BFSP2: variants seen among roughly 807,000 people sequenced by gnomAD.
BFSP2 encodes beaded filament structural protein 2, also known as phakinin.
BFSP2 carries 38 observed loss-of-function variants against 44.9 expected under a neutral mutation model. That is an observed-to-expected ratio of 0.85 (90% confidence interval 0.65 to 1.11). BFSP2 has a LOEUF of 1.11. BFSP2 is among the 50% of genes least tolerant of loss of function. BFSP2 has a pLI of 0.00. For synonymous variants in BFSP2, 197 were observed against 209.9 expected (o/e 0.94, Z 0.53); for missense variants, 525 against 533.0 (o/e 0.99, Z 0.15).
At chr3:133,441,360 A>G (rs1356350364) in intron 1 of BFSP2, among the ~76,000 whole-genome samples, 2 of 152,180 alleles carry the variant, frequency 1.3e-5, no homozygotes, top group Non-Finnish European at 2.9e-5. Flanking sequence ...ACTCGGCCTC[A>G]GATGCAATCT....
chr3:133,447,376 C>G lies in BFSP2; in HGVS notation c.549C>G (p.Ala183=). The G allele has an allele frequency of 6.2e-7, 1 of 1,613,918 alleles. No homozygotes were observed. Among genetic ancestry groups the G allele is most frequent in the Non-Finnish European group, 8.5e-7 (1 of 1,179,960 alleles). ...TGCTGCAGACAGAAACTATCCAGGC[C>G]GGAGCAGATGACTTTAAAGAGAGGT... The part of the protein sequence containing the change: ...RLMLQTETIQ[A]GADDFKERYE... The change falls in exon 2 of 7, where the codon GCC becomes GCG. Residue 183 remains alanine, a synonymous_variant. Coordinates refer to ENST00000302334, the MANE Select transcript of BFSP2 (RefSeq NM_003571.4).
chr3:133,427,289 C>T (rs1291328852), intron 1 of BFSP2, among the ~76,000 whole-genome samples: 1 of 152,242 alleles, frequency 6.6e-6, no homozygotes, highest in Non-Finnish European at 1.5e-5. Context: ...GCTCAAGGAA[C>T]CCAGCATGTT....
At chr3:133,427,967 T>C (rs2073669023) in intron 1 of BFSP2, among the ~76,000 whole-genome samples, 1 of 152,206 alleles carries the variant, frequency 6.6e-6, no homozygotes, top group Non-Finnish European at 1.5e-5. Context: ...GATTCCTTTT[T>C]ATAGATGAGG....
chr3:133,413,841 C>T (rs2073478900), intron 1 of BFSP2, among the ~76,000 whole-genome samples: 1 of 151,960 alleles, frequency 6.6e-6, no homozygotes, highest in Non-Finnish European at 1.5e-5. Flanking sequence ...GCAGGACCAA[C>T]GAATAACCAT....
At chr3:133,455,489 C>T (rs916522704) in intron 4 of BFSP2, 2 of 152,206 alleles carry the variant, frequency 1.3e-5, no homozygotes, top group East Asian at 3.8e-4. Flanking sequence ...AAAAGCATTA[C>T]CATTTTAAGC....
At chr3:133,442,189 G>A (rs887449818) in intron 1 of BFSP2, among the ~76,000 whole-genome samples, 3 of 152,188 alleles carry the variant, frequency 2.0e-5, no homozygotes, top group Non-Finnish European at 2.9e-5. Flanking sequence ...TCTCAGGCTG[G>A]AGTGCAGTGG....
rs778264861 is a variant in BFSP2 at position 133,474,934 on chromosome 3, C to A, written c.1245-35C>A. The A allele has an allele frequency of 1.1e-5, 18 of 1,613,764 alleles. No homozygotes were observed. The East Asian group carries it at 4.0e-4, about 36-fold the overall frequency. On this transcript the variant is annotated intron_variant, in intron 6 of 6. Transcript: ENST00000302334. Reference sequence around the variant, plus strand: ...GTGATAGAATGACCGATTTTCCTCACCCATTGCTTCTGACTCCTATGTGTT... The same window carrying A: ...GTGATAGAATGACCGATTTTCCTCAACCATTGCTTCTGACTCCTATGTGTT...
chr3:133,417,658 A>C (rs1422325323), intron 1 of BFSP2, among the ~76,000 whole-genome samples: 4 of 106,088 alleles, frequency 3.8e-5, no homozygotes, highest in Admixed American at 9.9e-5. Context: ...TCTTCCCTCT[A>C]CTCACCCCTG....
chr3:133,429,502 T>C (rs778406009), intron 1 of BFSP2: 23 of 152,242 alleles, frequency 1.5e-4, no homozygotes, highest in Non-Finnish European at 2.1e-4. Context: ...ACCCACATTA[T>C]GGCACGCAGG....
At chr3:133,417,147 CTCTCTCA>C (rs1465274432) in intron 1 of BFSP2, among the ~76,000 whole-genome samples, 1 of 132,028 alleles carries the variant, frequency 7.6e-6, no homozygotes, top group African/African-American at 2.9e-5. Context: ...GCCCTCTCCC[CTCTCTCA>C]TCTCTCTACT....
chr3:133,449,633 C>T (rs1365830542), intron 3 of BFSP2, among the ~76,000 whole-genome samples: 5 of 152,086 alleles, frequency 3.3e-5, no homozygotes, highest in African/African-American at 9.6e-5. Flanking sequence ...AATCCCAGCA[C>T]TTTGAGAGGC....
rs2073451214 is a variant in BFSP2 at position 133,411,268 on chromosome 3, A to C, written c.489+10696A>C. On this transcript the variant is annotated intron_variant, in intron 1 of 6. Coordinates refer to ENST00000302334, the MANE Select transcript of BFSP2 (RefSeq NM_003571.4). ...TTAAAACTGGTAAATAATGAGAGAA[A>C]ATAAAGCATTTTCCTGCCTTTCTTA... Among the ~76,000 whole-genome samples the C allele has an allele frequency of 3.3e-5, 5 of 152,182 alleles. No individual in the cohort carries two copies. In the South Asian group the frequency reaches 8.3e-4, roughly 25 times the overall value.
At chr3:133,447,524 G>GAGCCATGAT (rs1322489245) in intron 2 of BFSP2, 125 bp downstream of exon 2, 1 of 1,000,436 alleles carries the variant, frequency 1.0e-6, no homozygotes, top group Non-Finnish European at 1.5e-6. Context: ...CAGGATAACA[G>GAGCCATGAT]AGCCATGATT....
chr3:133,447,259 T>C (rs911054233), intron 1 of BFSP2, 58 bp from the exon 2 acceptor site: 1 of 1,575,980 alleles, frequency 6.3e-7, no homozygotes, highest in East Asian at 2.2e-5. Context: ...GTCATGGTGG[T>C]AAGTGATCTT....
In BFSP2 at chr3:133,466,769, G is replaced by C. The variant is rs1051835026; in HGVS notation, c.892-59G>C. On this transcript the variant is annotated intron_variant, in intron 4 of 6. Transcript: ENST00000302334. ...AGTGGTGATTAGAAAGGCTGGGAAG[G>C]AAGGATGGGCTCAGATTTCTGATCA... 4 of 1,578,154 alleles carry C rather than the reference G, an allele frequency of 2.5e-6. No individual in the cohort carries two copies. In the African/African-American group the frequency reaches 5.4e-5, roughly 21 times the overall value.
Position 133,462,153 on chromosome 3 carries a change from G to A in BFSP2, c.892-4675G>A, listed in dbSNP as rs115668113. On this transcript the variant is annotated intron_variant, in intron 4 of 6. Transcript: ENST00000302334. ...CATTTTCTCAAGATCCTAAGGTGAC[G>A]CTCATGCGCATTTAACCTATAGTTT... Among the ~76,000 whole-genome samples, 693 of 152,282 alleles carry A rather than the reference G, an allele frequency of 4.6e-3. 10 individuals carry two copies. Among genetic ancestry groups the A allele is most frequent in the African/African-American group, 0.016 (651 of 41,544 alleles).
chr3:133,434,271 C>A (rs1305248131), intron 1 of BFSP2, among the ~76,000 whole-genome samples: 1 of 152,136 alleles, frequency 6.6e-6, no homozygotes, highest in African/African-American at 2.4e-5. Flanking sequence ...TCAATTCATA[C>A]AAAACCGTAT....
chr3:133,406,086 G>C (rs1038403075), intron 1 of BFSP2, among the ~76,000 whole-genome samples: 2 of 150,980 alleles, frequency 1.3e-5, no homozygotes, highest in African/African-American at 2.4e-5. Flanking sequence ...AAGTAGCTGG[G>C]ATTACAGGTG....
intron 1 of BFSP2, among the ~76,000 whole-genome samples, chr3:133,426,944 A>G (rs1372535329): frequency 1.3e-5 from 2 of 152,228 alleles, no homozygotes; most frequent in Non-Finnish European, 2.9e-5. Context: ...GATGGAAAGC[A>G]TGCATTTGCT....
Sources: gnomAD v4.1 joint callset for allele counts (sites outside exome capture counted in the v4.1 genomes callset) on GRCh38, gnomAD v4.1.1 for gene constraint, MANE v1.5 for transcripts, NCBI Gene and HGNC (gene_info 2026-07-23, HGNC 2026-07-21) for gene names.